Variants in TRPS1 observed in about 807,000 individuals in gnomAD.
TRPS1 encodes zinc finger transcription factor Trps1.
TRPS1 carries 6 observed loss-of-function variants against 101.2 expected under a neutral mutation model. The observed-to-expected ratio is 0.06, with a 90% CI of 0.03 to 0.12. The LOEUF is 0.12. TRPS1 is among the 10% of genes least tolerant of loss of function. The pLI is 1.00. For synonymous variants in TRPS1, 578 were observed against 589.8 expected (o/e 0.98, Z 0.29); for missense variants, 1,363 against 1,567.0 (o/e 0.87, Z 2.20).
At chr8:115,486,689 T>C (rs1026401187) in intron 5 of TRPS1, among the ~76,000 whole-genome samples, 1 of 152,214 alleles carries the variant, frequency 6.6e-6, no homozygotes, top group African/African-American at 2.4e-5. Flanking sequence ...AGCCACAATA[T>C]TCCCTTAAGC....
At chr8:115,533,462 T>TTTTTTTTATTCA (rs1272986624) in intron 5 of TRPS1, among the ~76,000 whole-genome samples, 1 of 135,414 alleles carries the variant, frequency 7.4e-6, no homozygotes, top group Non-Finnish European at 1.6e-5. Context: ...TTTTTTTTCC[T>TTTTTTTTATTCA]GAAAAAAATC....
chr8:115,443,206 G>T (rs1813651828), intron 5 of TRPS1, among the ~76,000 whole-genome samples: 1 of 151,874 alleles, frequency 6.6e-6, no homozygotes, highest in African/African-American at 2.4e-5. Flanking sequence ...GAAGGCAAAG[G>T]CTGCAGTGAG....
At chr8:115,662,530 G>C (rs2130631892) in intron 1 of TRPS1, among the ~76,000 whole-genome samples, 1 of 152,044 alleles carries the variant, frequency 6.6e-6, no homozygotes, top group South Asian at 2.1e-4. Context: ...TTTTCCCAAG[G>C]AAGAGAACAC....
At chr8:115,510,432 T>C (rs1250857839) in intron 5 of TRPS1, among the ~76,000 whole-genome samples, 4 of 151,944 alleles carry the variant, frequency 2.6e-5, no homozygotes, top group Non-Finnish European at 5.9e-5. Flanking sequence ...TAATTCAGGC[T>C]TTACTCCAAA....
At chr8:115,453,648 AACT>A (rs1813938552) in intron 5 of TRPS1, among the ~76,000 whole-genome samples, 1 of 150,780 alleles carries the variant, frequency 6.6e-6, no homozygotes, top group South Asian at 2.1e-4. Flanking sequence ...TATCAGCAAT[AACT>A]ACTAGAGAAA....
At chr8:115,500,863 G>A (rs1374013145) in intron 5 of TRPS1, among the ~76,000 whole-genome samples, 3 of 152,260 alleles carry the variant, frequency 2.0e-5, no homozygotes, top group South Asian at 4.2e-4. Flanking sequence ...AGGAGCCACC[G>A]CGCCCGACCT....
chr8:115,572,000 A>G (rs893606354), intron 5 of TRPS1, among the ~76,000 whole-genome samples: 2 of 152,094 alleles, frequency 1.3e-5, no homozygotes, highest in Non-Finnish European at 2.9e-5. Context: ...AACGTTTTGA[A>G]GTTATTTACA....
At chr8:115,545,328 C>T (rs768329975) in intron 5 of TRPS1, among the ~76,000 whole-genome samples, 77 of 152,144 alleles carry the variant, frequency 5.1e-4, no homozygotes, top group Non-Finnish European at 9.1e-4. Context: ...TTAAACTGCA[C>T]GAATTATACT....
intron 5 of TRPS1, among the ~76,000 whole-genome samples, chr8:115,469,215 C>T (rs1432321777): frequency 6.6e-6 from 1 of 152,132 alleles, no homozygotes; most frequent in Non-Finnish European, 1.5e-5. Flanking sequence ...CAAGATGAAA[C>T]AGTGTGAAGT....
chr8:115,578,492 A>G (rs1306698021), intron 5 of TRPS1, among the ~76,000 whole-genome samples: 1 of 152,130 alleles, frequency 6.6e-6, no homozygotes, highest in Admixed American at 6.5e-5. Flanking sequence ...AATTGGAAGT[A>G]GCCTAATTGT....
At chr8:115,578,067 C>T (rs1335805188) in intron 5 of TRPS1, among the ~76,000 whole-genome samples, 1 of 152,164 alleles carries the variant, frequency 6.6e-6, no homozygotes, top group East Asian at 1.9e-4. Context: ...TCTTACAAAT[C>T]AATTTCTCTA....
intron 1 of TRPS1, among the ~76,000 whole-genome samples, chr8:115,642,116 A>C (rs1818912569): frequency 6.6e-6 from 1 of 152,034 alleles, no homozygotes; most frequent in Admixed American, 6.6e-5. Context: ...TAGGAGGCTG[A>C]GGCTGGAAGA....
At chr8:115,600,034 C>G (rs950229719) in intron 4 of TRPS1, among the ~76,000 whole-genome samples, 3 of 152,256 alleles carry the variant, frequency 2.0e-5, no homozygotes, top group Admixed American at 6.5e-5. Flanking sequence ...TCCATTCTAA[C>G]TGGCATGAGA....
intron 5 of TRPS1, among the ~76,000 whole-genome samples, chr8:115,559,607 A>G (rs1168554666): frequency 6.6e-6 from 1 of 152,132 alleles, no homozygotes; most frequent in Non-Finnish European, 1.5e-5. Context: ...AGACACTGAT[A>G]TATGTTTATT....
intron 5 of TRPS1, among the ~76,000 whole-genome samples, chr8:115,502,145 G>A (rs1197513630): frequency 6.6e-6 from 1 of 152,108 alleles, no homozygotes; most frequent in Non-Finnish European, 1.5e-5. Context: ...ATATGCTGCA[G>A]ATTTGAATCG....
At chr8:115,470,530 G>C (rs1563754163) in intron 5 of TRPS1, among the ~76,000 whole-genome samples, 3 of 152,124 alleles carry the variant, frequency 2.0e-5, no homozygotes, top group Admixed American at 2.0e-4. Context: ...TGTATCATTA[G>C]AATCAGACAT....
At chr8:115,592,902 A>C (rs1300757668) in intron 4 of TRPS1, among the ~76,000 whole-genome samples, 1 of 152,216 alleles carries the variant, frequency 6.6e-6, no homozygotes, top group Non-Finnish European at 1.5e-5. Context: ...ATGGTCATAA[A>C]TAGCTCATGA....
intron 1 of TRPS1, among the ~76,000 whole-genome samples, chr8:115,627,025 T>C (rs192334394): frequency 3.3e-5 from 5 of 151,596 alleles, no homozygotes; most frequent in Admixed American, 2.6e-4. Flanking sequence ...TATAAGAAAA[T>C]TACAAAACTT....
At chr8:115,504,378 G>T (rs980406992) in intron 5 of TRPS1, among the ~76,000 whole-genome samples, 3 of 152,006 alleles carry the variant, frequency 2.0e-5, no homozygotes, top group African/African-American at 7.2e-5. Context: ...ATGATACATG[G>T]GTGGAACAAA....
Sources: gnomAD v4.1 joint callset for allele counts (sites outside exome capture counted in the v4.1 genomes callset) on GRCh38, gnomAD v4.1.1 for gene constraint, MANE v1.5 for transcripts, NCBI Gene and HGNC (gene_info 2026-07-23, HGNC 2026-07-21) for gene names.